The following PCSK6 variants were observed in gnomAD, a reference collection of about 807,000 sequenced individuals.
The protein encoded by PCSK6 is proprotein convertase subtilisin/kexin type 6, also known as paired basic amino acid cleaving enzyme 4.
In PCSK6, 85 loss-of-function variants were observed where a neutral mutation model predicts 123.3. The ratio of observed to expected loss-of-function variants is 0.69; its 90% CI spans 0.58 to 0.83. The LOEUF is 0.83. Ranked by LOEUF, PCSK6 falls within the 40% of genes least tolerant of loss-of-function variation. The pLI is 0.00. For synonymous variants in PCSK6, 508 were observed against 516.0 expected (o/e 0.98, Z 0.21); for missense variants, 1,191 against 1,282.3 (o/e 0.93, Z 1.09).
chr15:101,394,992 T>C (rs538441646), intron 7 of PCSK6, among the ~76,000 whole-genome samples: 1 of 152,120 alleles, frequency 6.6e-6, no homozygotes, highest in East Asian at 1.9e-4. Context: ...CTCAGGAAGG[T>C]GGTGTGTGTG....
intron 6 of PCSK6, among the ~76,000 whole-genome samples, chr15:101,408,528 C>T (rs2042845321): frequency 6.6e-6 from 1 of 152,242 alleles, no homozygotes; most frequent in African/African-American, 2.4e-5. Flanking sequence ...TCTCCTCCTT[C>T]CTATGGCTCC....
At chr15:101,329,413 T>G (rs1331789898) in intron 15 of PCSK6, among the ~76,000 whole-genome samples, 3 of 152,220 alleles carry the variant, frequency 2.0e-5, no homozygotes, top group East Asian at 3.8e-4. Flanking sequence ...CCGAGAGGCA[T>G]GCAAGACTTG....
At chr15:101,444,380 C>T (rs775402532) in intron 1 of PCSK6, among the ~76,000 whole-genome samples, 6 of 152,216 alleles carry the variant, frequency 3.9e-5, no homozygotes, top group Non-Finnish European at 5.9e-5. Context: ...ACATTGTTAT[C>T]GGAGGCCTGC....
At chr15:101,336,336 G>A (rs2040475837) in intron 13 of PCSK6, among the ~76,000 whole-genome samples, 1 of 152,206 alleles carries the variant, frequency 6.6e-6, no homozygotes, top group Admixed American at 6.5e-5. Context: ...TGGCACGCAG[G>A]AGCTGTCCAT....
intron 2 of PCSK6, 24 bp downstream of exon 2, chr15:101,443,532 G>C: frequency 6.5e-7 from 1 of 1,541,922 alleles, no homozygotes; most frequent in South Asian, 1.1e-5. Context: ...CCAGCCCTTA[G>C]GAAAGCATCC....
At chr15:101,470,060 AT>A (rs904410520) in intron 1 of PCSK6, among the ~76,000 whole-genome samples, 153 of 151,974 alleles carry the variant, frequency 1.0e-3, no homozygotes, top group African/African-American at 3.3e-3. Flanking sequence ...TCTAACTGCC[AT>A]TTTTTTTGAA....
chr15:101,321,843 C>T (rs1596179562), intron 18 of PCSK6, among the ~76,000 whole-genome samples: 1 of 152,240 alleles, frequency 6.6e-6, no homozygotes, highest in East Asian at 1.9e-4. Context: ...TGCTAGTCTC[C>T]CTACTATGGG....
intron 1 of PCSK6, among the ~76,000 whole-genome samples, chr15:101,472,725 A>C (rs567516414): frequency 6.6e-6 from 1 of 152,372 alleles, no homozygotes; most frequent in South Asian, 2.1e-4. Flanking sequence ...TACCTCCAGG[A>C]AAGGAACCAA....
chr15:101,326,037 C>T (rs1417283410), intron 16 of PCSK6, among the ~76,000 whole-genome samples: 1 of 152,262 alleles, frequency 6.6e-6, no homozygotes, highest in Non-Finnish European at 1.5e-5. Context: ...AGGACAGCAC[C>T]AGGGCCTTGA....
chr15:101,380,610 G>C (rs574008644), intron 11 of PCSK6, among the ~76,000 whole-genome samples: 2 of 152,252 alleles, frequency 1.3e-5, no homozygotes, highest in African/African-American at 2.4e-5. Flanking sequence ...ACCACTCAGC[G>C]GTCAGTGTGC....
chr15:101,458,349 C>T (rs1042504079), intron 1 of PCSK6, among the ~76,000 whole-genome samples: 3 of 152,122 alleles, frequency 2.0e-5, no homozygotes, highest in African/African-American at 4.8e-5. Context: ...AAGGGGTTTC[C>T]GCAAGGCTTT....
intron 1 of PCSK6, among the ~76,000 whole-genome samples, chr15:101,480,301 A>G (rs1220204788): frequency 1.3e-5 from 2 of 152,258 alleles, no homozygotes; most frequent in Non-Finnish European, 2.9e-5. Context: ...TCCCAGCCCA[A>G]TTCAGTAAAT....
At chr15:101,407,075 G>A (rs978835868) in intron 6 of PCSK6, among the ~76,000 whole-genome samples, 1 of 152,096 alleles carries the variant, frequency 6.6e-6, no homozygotes, top group African/African-American at 2.4e-5. Context: ...GAGAAGGGCC[G>A]TGACCAGCGT....
intron 6 of PCSK6, among the ~76,000 whole-genome samples, chr15:101,403,723 T>TTA (rs2042680600): frequency 6.6e-6 from 1 of 152,144 alleles, no homozygotes; most frequent in Non-Finnish European, 1.5e-5. Flanking sequence ...ATTTATTTAT[T>TTA]TATTTATTTA....
At chr15:101,440,794 C>A (rs745701611) in intron 2 of PCSK6, among the ~76,000 whole-genome samples, 8 of 152,210 alleles carry the variant, frequency 5.3e-5, no homozygotes, top group Non-Finnish European at 1.2e-4. Flanking sequence ...ACACTAAATA[C>A]TTCCATAAAA....
chr15:101,407,903 C>A (rs903015642), intron 6 of PCSK6, among the ~76,000 whole-genome samples: 14 of 152,278 alleles, frequency 9.2e-5, no homozygotes, highest in African/African-American at 3.4e-4. Flanking sequence ...AAACAGGTCT[C>A]TCTTTGATAA....
In PCSK6 at chr15:101,458,336, T is replaced by C. The variant is rs1039107244; in HGVS notation, c.298-14676A>G. ...TCTCTGCAGCAGACAGCGCACATGT[T>C]GAAAGGGGTTTCCGCAAGGCTTTGA... On this transcript the variant is annotated intron_variant, in intron 1 of 21. Transcript: ENST00000611716. 1.4e-4 allele frequency among the ~76,000 whole-genome samples: 22 copies of C among 152,138 alleles called. 2 individuals carry two copies. The highest frequency in any genetic ancestry group is 2.4e-5 in the African/African-American group (1 of 41,424).
At chr15:101,352,137 A>ATTTTTTT (rs56844456) in intron 13 of PCSK6, among the ~76,000 whole-genome samples, 4 of 97,012 alleles carry the variant, frequency 4.1e-5, no homozygotes, top group Non-Finnish European at 7.7e-5. Context: ...TATTTTTCTA[A>ATTTTTTT]TTTTTTTTTT....
At chr15:101,359,716 T>C (rs8035664) in intron 13 of PCSK6, among the ~76,000 whole-genome samples, 69,428 of 152,172 alleles carry the variant, frequency 0.46, 17,068 homozygotes, top group East Asian at 0.75. Flanking sequence ...GTGCAGGGCA[T>C]GCGGTTCCGT....
Sources: gnomAD v4.1 joint callset for allele counts (sites outside exome capture counted in the v4.1 genomes callset) on GRCh38, gnomAD v4.1.1 for gene constraint, MANE v1.5 for transcripts, NCBI Gene and HGNC (gene_info 2026-07-23, HGNC 2026-07-21) for gene names.